Variants in LRRC63 observed in about 807,000 individuals in gnomAD.
LRRC63 encodes the protein leucine-rich repeat-containing protein 63.
In LRRC63, 40 loss-of-function variants were observed where a neutral mutation model predicts 49.5. The observed-to-expected ratio is 0.81, with a 90% CI of 0.63 to 1.05. The LOEUF is 1.05. LRRC63 is among the 50% of genes least tolerant of loss of function. LRRC63 has a pLI of 0.00. For synonymous variants in LRRC63, 191 were observed against 221.1 expected (o/e 0.86, Z 1.21); for missense variants, 636 against 663.1 (o/e 0.96, Z 0.45).
At chr13:46,231,231 T>G (rs1162801486) in intron 4 of LRRC63, among the ~76,000 whole-genome samples, 2 of 152,222 alleles carry the variant, frequency 1.3e-5, no homozygotes, top group Admixed American at 6.5e-5. Context: ...TCATGTATCT[T>G]TATAGCAATG....
chr13:46,237,026 T>G (rs1240340884), intron 5 of LRRC63, among the ~76,000 whole-genome samples: 2 of 152,084 alleles, frequency 1.3e-5, no homozygotes, highest in African/African-American at 4.8e-5. Context: ...CCATAGTAAC[T>G]ACTACTGAAA....
chr13:46,259,723 T>C (rs995664418), intron 7 of LRRC63, among the ~76,000 whole-genome samples: 1 of 152,304 alleles, frequency 6.6e-6, no homozygotes, highest in Middle Eastern at 3.4e-3. Context: ...ATTGGATACA[T>C]TGCTTAACCT....
intron 9 of LRRC63, among the ~76,000 whole-genome samples, chr13:46,267,219 C>G (rs2047695906): frequency 6.6e-6 from 1 of 152,232 alleles, no homozygotes; most frequent in Non-Finnish European, 1.5e-5. Context: ...TGAGTTGTCT[C>G]TATGGCTGTT....
chr13:46,257,612 G>A (rs2047535151), intron 7 of LRRC63, among the ~76,000 whole-genome samples: 1 of 152,104 alleles, frequency 6.6e-6, no homozygotes, highest in African/African-American at 2.4e-5. Context: ...ATTTTAAGTG[G>A]GATAGCTAAG....
chr13:46,270,251 A>G, intron 9 of LRRC63: 1 of 888,170 alleles, frequency 1.1e-6, no homozygotes, highest in African/African-American at 1.6e-5. Context: ...AGTTCTTCAG[A>G]GTGGAAAAAC....
intron 7 of LRRC63, among the ~76,000 whole-genome samples, chr13:46,261,208 T>G (rs934370334): frequency 1.3e-5 from 2 of 152,248 alleles, no homozygotes; most frequent in Admixed American, 6.5e-5. Context: ...TAGAAAAGTC[T>G]TAATGCAATT....
chr13:46,258,591 C>T (rs896875713), intron 7 of LRRC63, among the ~76,000 whole-genome samples: 7 of 150,828 alleles, frequency 4.6e-5, no homozygotes, highest in African/African-American at 7.3e-5. Context: ...GGGCGAATCA[C>T]GAGGTCAGGA....
intron 7 of LRRC63, among the ~76,000 whole-genome samples, chr13:46,255,875 A>G (rs765580252): frequency 6.6e-6 from 1 of 152,112 alleles, no homozygotes; most frequent in Admixed American, 6.5e-5. Context: ...AAATGTCCCC[A>G]TGTACATTTC....
intron 2 of LRRC63, among the ~76,000 whole-genome samples, chr13:46,215,514 A>G (rs1022795597): frequency 2.0e-5 from 3 of 152,030 alleles, no homozygotes; most frequent in Non-Finnish European, 4.4e-5. Flanking sequence ...TGTGGATATT[A>G]AACCTTTTTC....
intron 2 of LRRC63, among the ~76,000 whole-genome samples, chr13:46,220,039 G>A (rs1164120782): frequency 3.9e-5 from 6 of 152,164 alleles, no homozygotes; most frequent in Non-Finnish European, 8.8e-5. Flanking sequence ...GATGTCTGTC[G>A]ACCCCTGCTG....
chr13:46,270,445 T>A, intron 9 of LRRC63: 1 of 790,506 alleles, frequency 1.3e-6, no homozygotes, highest in Non-Finnish European at 2.3e-6. Flanking sequence ...TGGAAGTGAA[T>A]GAAAAACATT....
chr13:46,253,256 A>G (rs567034855), intron 7 of LRRC63, among the ~76,000 whole-genome samples: 8 of 152,024 alleles, frequency 5.3e-5, no homozygotes, highest in Non-Finnish European at 8.8e-5. Context: ...CTCTAGTTAG[A>G]GTGAAACAAT....
intron 9 of LRRC63, among the ~76,000 whole-genome samples, chr13:46,272,790 G>A (rs918568234): frequency 6.6e-6 from 1 of 152,214 alleles, no homozygotes; most frequent in Non-Finnish European, 1.5e-5. Flanking sequence ...TTTTGACATG[G>A]AAAGTTGTCC....
At chr13:46,219,817 A>G (rs2046353985) in intron 2 of LRRC63, among the ~76,000 whole-genome samples, 1 of 151,960 alleles carries the variant, frequency 6.6e-6, no homozygotes, top group Non-Finnish European at 1.5e-5. Context: ...TGTTGATGCT[A>G]TTCCTTTCTG....
At chr13:46,266,663 G>A in intron 8 of LRRC63, 70 bp from the exon 9 acceptor site, 1 of 1,307,126 alleles carries the variant, frequency 7.7e-7, no homozygotes, top group Non-Finnish European at 1.0e-6. Context: ...ATGAACAATT[G>A]AGGCAGAATT....
At chr13:46,236,866 T>C (rs2046918679) in intron 5 of LRRC63, among the ~76,000 whole-genome samples, 1 of 152,188 alleles carries the variant, frequency 6.6e-6, no homozygotes, top group South Asian at 2.1e-4. Context: ...TAAATGTATA[T>C]TAATGGACAC....
intron 5 of LRRC63, among the ~76,000 whole-genome samples, chr13:46,237,872 C>T (rs2046947430): frequency 2.0e-5 from 3 of 151,994 alleles, no homozygotes; most frequent in South Asian, 4.2e-4. Flanking sequence ...CAGAAAAACA[C>T]AAATTACCAA....
intron 2 of LRRC63, among the ~76,000 whole-genome samples, chr13:46,219,709 T>C (rs1275850097): frequency 1.3e-5 from 2 of 152,262 alleles, no homozygotes; most frequent in Non-Finnish European, 2.9e-5. Flanking sequence ...TCAGCCTTTT[T>C]GTGCTAGTTT....
chr13:46,256,960 T>C (rs2047521932), intron 7 of LRRC63, among the ~76,000 whole-genome samples: 1 of 152,108 alleles, frequency 6.6e-6, no homozygotes, highest in South Asian at 2.1e-4. Context: ...GGAAATTAAG[T>C]TTGGAGATGA....
Sources: allele counts gnomAD v4.1 joint callset (sites outside exome capture counted in the v4.1 genomes callset), GRCh38; gene constraint gnomAD v4.1.1; transcripts MANE v1.5; gene names NCBI Gene and HGNC (gene_info 2026-07-23, HGNC 2026-07-21).